Variants in SLC8A1 observed in about 807,000 individuals in gnomAD.
SLC8A1 encodes sodium/calcium exchanger 1.
A neutral mutation model predicts 68.3 loss-of-function variants in SLC8A1; 18 were observed. The ratio of observed to expected loss-of-function variants is 0.26; its 90% CI spans 0.18 to 0.39. SLC8A1 has a LOEUF of 0.39. Among genes scored for constraint, SLC8A1 ranks in the 10% least tolerant of loss-of-function variants. The pLI is 1.00. For synonymous variants in SLC8A1, 475 were observed against 415.5 expected (o/e 1.14, Z -1.74); for missense variants, 985 against 1,156.7 (o/e 0.85, Z 2.15).
chr2:40,377,771 C>T (rs551926155), intron 2 of SLC8A1, among the ~76,000 whole-genome samples: 1 of 152,124 alleles, frequency 6.6e-6, no homozygotes, highest in African/African-American at 2.4e-5. Flanking sequence ...CCAATCAGGT[C>T]TACTTCTACT....
At chr2:40,377,478 T>C (rs1680261611) in intron 2 of SLC8A1, among the ~76,000 whole-genome samples, 1 of 152,114 alleles carries the variant, frequency 6.6e-6, no homozygotes, top group South Asian at 2.1e-4. Context: ...TAATTTGCCA[T>C]GCACCAACAA....
At chr2:40,369,663 A>G (rs1677385692) in intron 2 of SLC8A1, among the ~76,000 whole-genome samples, 2 of 152,078 alleles carry the variant, frequency 1.3e-5, no homozygotes, top group Non-Finnish European at 2.9e-5. Flanking sequence ...TGTTAGTACC[A>G]ATACCATGGA....
At chr2:40,142,416 T>C (rs917503415) in intron 6 of SLC8A1, among the ~76,000 whole-genome samples, 1 of 152,206 alleles carries the variant, frequency 6.6e-6, no homozygotes, top group East Asian at 1.9e-4. Flanking sequence ...TTTCTAGTTA[T>C]ATTTATTTTG....
chr2:40,432,508 C>T (rs1698565522), intron 1 of SLC8A1, among the ~76,000 whole-genome samples: 1 of 147,604 alleles, frequency 6.8e-6, no homozygotes, highest in Non-Finnish European at 1.5e-5. Flanking sequence ...AACACTTGAG[C>T]AAAGTCCTGA....
intron 2 of SLC8A1, among the ~76,000 whole-genome samples, chr2:40,328,345 T>C (rs1452069720): frequency 6.6e-6 from 1 of 152,170 alleles, no homozygotes; most frequent in Admixed American, 6.5e-5. Context: ...CCCGTTCCAT[T>C]TGATGTGATA....
chr2:40,209,182 G>C (rs574901454), intron 2 of SLC8A1: 77 of 152,256 alleles, frequency 5.1e-4, no homozygotes, highest in African/African-American at 1.8e-3. Flanking sequence ...AATGAGGTGA[G>C]AGATGGCAGT....
chr2:40,295,708 T>C (rs1453631758), intron 2 of SLC8A1, among the ~76,000 whole-genome samples: 1 of 152,208 alleles, frequency 6.6e-6, no homozygotes, highest in East Asian at 1.9e-4. Flanking sequence ...TATTAACTCC[T>C]ATATAGTGAT....
chr2:40,212,252 T>A (rs936801460), intron 2 of SLC8A1, among the ~76,000 whole-genome samples: 1 of 150,848 alleles, frequency 6.6e-6, no homozygotes, highest in Non-Finnish European at 1.5e-5. Flanking sequence ...TGTTACTTAT[T>A]TCCAGGTGCT....
chr2:40,280,534 C>T (rs1236824578), intron 2 of SLC8A1, among the ~76,000 whole-genome samples: 1 of 152,122 alleles, frequency 6.6e-6, no homozygotes, highest in Admixed American at 6.5e-5. Context: ...AATTGCAATA[C>T]CATCATGCTA....
chr2:40,461,711 C>A lies in SLC8A1; in HGVS notation c.-24-31407G>T, dbSNP rs576612591. On this transcript the variant is annotated intron_variant, in intron 1 of 7. Transcript: ENST00000402441. ...ATATATTTGTAACATTTAATCAAGT[C>A]TTTTTGTCTTTTGATCATATATATT... Among the ~76,000 whole-genome samples, 4 of 152,180 alleles carry A rather than the reference C, an allele frequency of 2.6e-5. No individual in the cohort carries two copies. In the East Asian group the frequency reaches 7.7e-4, roughly 29 times the overall value.
At chr2:40,402,974 A>C (rs955350256) in intron 2 of SLC8A1, among the ~76,000 whole-genome samples, 1 of 152,210 alleles carries the variant, frequency 6.6e-6, no homozygotes, top group Non-Finnish European at 1.5e-5. Context: ...ACGAAAATTA[A>C]AGCCACAAAT....
intron 4 of SLC8A1, 140 bp from the exon 8 acceptor site, chr2:40,165,124 G>T: frequency 7.2e-6 from 7 of 966,932 alleles, no homozygotes; most frequent in Non-Finnish European, 1.1e-5. Context: ...CGATGCTGGA[G>T]GGAAGAGCCA....
intron 2 of SLC8A1, chr2:40,208,285 C>T (rs1422198475): frequency 6.6e-6 from 1 of 152,122 alleles, no homozygotes; most frequent in Non-Finnish European, 1.5e-5. Context: ...TCCAAAGGCC[C>T]ACCTCCTCTC....
At chr2:40,479,706 A>G (rs1704509082) in intron 1 of SLC8A1, among the ~76,000 whole-genome samples, 1 of 152,220 alleles carries the variant, frequency 6.6e-6, no homozygotes, top group Admixed American at 6.5e-5. Flanking sequence ...AGTATTGACA[A>G]TGAGTGTTTC....
intron 2 of SLC8A1, among the ~76,000 whole-genome samples, chr2:40,397,995 C>T (rs1046462504): frequency 2.6e-5 from 4 of 152,142 alleles, no homozygotes; most frequent in Non-Finnish European, 5.9e-5. Flanking sequence ...GTTTCAACTG[C>T]CAGGAAAATA....
chr2:40,378,789 C>T (rs979165499), intron 2 of SLC8A1, among the ~76,000 whole-genome samples: 1 of 152,074 alleles, frequency 6.6e-6, no homozygotes, highest in African/African-American at 2.4e-5. Flanking sequence ...TTTGGCCCAG[C>T]GAACTCACTT....
chr2:40,416,243 T>C (rs1156853330), intron 2 of SLC8A1, among the ~76,000 whole-genome samples: 2 of 152,122 alleles, frequency 1.3e-5, no homozygotes, highest in Non-Finnish European at 2.9e-5. Flanking sequence ...AAATACATTG[T>C]GACAGGAAGG....
chr2:40,316,262 A>G (rs2074432549), intron 2 of SLC8A1, among the ~76,000 whole-genome samples: 1 of 152,066 alleles, frequency 6.6e-6, no homozygotes. Flanking sequence ...ACATAAGAAA[A>G]CTGAAGAGAA....
chr2:40,210,085 C>G (rs1396397149), intron 2 of SLC8A1: 1 of 152,126 alleles, frequency 6.6e-6, no homozygotes, highest in Non-Finnish European at 1.5e-5. Context: ...TAAACTGAGG[C>G]CTAGACAGTG....
Sources: allele counts gnomAD v4.1 joint callset (sites outside exome capture counted in the v4.1 genomes callset), GRCh38; gene constraint gnomAD v4.1.1; transcripts MANE v1.5; gene names NCBI Gene and HGNC (gene_info 2026-07-23, HGNC 2026-07-21).